Variants in PTPRD observed in about 807,000 individuals in gnomAD.
The protein encoded by PTPRD is protein tyrosine phosphatase receptor type D, also known as receptor-type tyrosine-protein phosphatase delta.
A neutral mutation model predicts 214.5 loss-of-function variants in PTPRD; 34 were observed. The observed-to-expected ratio is 0.16, with a 90% CI of 0.12 to 0.21. The LOEUF is 0.21. Among genes scored for constraint, PTPRD ranks in the 10% least tolerant of loss-of-function variants. PTPRD has a pLI of 1.00. For synonymous variants in PTPRD, 1,128 were observed against 845.7 expected, an observed-to-expected ratio of 1.33 and a Z score of -5.79; for missense variants, 2,545 against 2,398.7, an observed-to-expected ratio of 1.06 and a Z score of -1.27.
intron 3 of PTPRD, among the ~76,000 whole-genome samples, chr9:10,282,815 G>C (rs528384614): frequency 6.6e-6 from 1 of 152,058 alleles, no homozygotes; most frequent in Non-Finnish European, 1.5e-5. Flanking sequence ...GTTAAGATCA[G>C]AAGTAGCAAG....
intron 3 of PTPRD, among the ~76,000 whole-genome samples, chr9:10,305,761 G>T (rs928812337): frequency 1.3e-5 from 2 of 152,104 alleles, no homozygotes; most frequent in African/African-American, 4.8e-5. Flanking sequence ...TAATTAAAAA[G>T]TCAGGAAACA....
intron 3 of PTPRD, among the ~76,000 whole-genome samples, chr9:10,150,948 T>A (rs979174784): frequency 1.3e-5 from 2 of 152,026 alleles, no homozygotes; most frequent in African/African-American, 4.8e-5. Context: ...CTTTAAAAGC[T>A]TAGCCTTGTC....
intron 4 of PTPRD, among the ~76,000 whole-genome samples, chr9:9,959,372 G>A (rs1420262155): frequency 6.6e-6 from 1 of 152,086 alleles, no homozygotes; most frequent in East Asian, 1.9e-4. Context: ...AAAGCACAGA[G>A]GACTTTTAGA....
chr9:8,708,039 C>G (rs577374696), intron 12 of PTPRD, among the ~76,000 whole-genome samples: 1 of 152,272 alleles, frequency 6.6e-6, no homozygotes, highest in African/African-American at 2.4e-5. Context: ...CTGCACCATG[C>G]AAGAAAACTG....
At chr9:10,438,070 G>A (rs1031857849) in intron 2 of PTPRD, among the ~76,000 whole-genome samples, 3 of 144,340 alleles carry the variant, frequency 2.1e-5, no homozygotes, top group East Asian at 4.1e-4. Context: ...ACAAACTCAT[G>A]GTTCAGAAAA....
chr9:10,101,513 G>A (rs976930219), intron 3 of PTPRD, among the ~76,000 whole-genome samples: 3 of 151,582 alleles, frequency 2.0e-5, no homozygotes, highest in Non-Finnish European at 3.0e-5. Context: ...CACTGGACAT[G>A]AGGAGCCAAC....
intron 7 of PTPRD, among the ~76,000 whole-genome samples, chr9:9,606,046 GTTTCT>G (rs1348130802): frequency 1.3e-5 from 2 of 151,984 alleles, no homozygotes; most frequent in African/African-American, 4.8e-5. Context: ...CTGTTCCACA[GTTTCT>G]TTTAAGAGTG....
intron 7 of PTPRD, among the ~76,000 whole-genome samples, chr9:9,678,497 GA>G (rs1042398498): frequency 6.6e-6 from 1 of 151,872 alleles, no homozygotes; most frequent in African/African-American, 2.4e-5. Flanking sequence ...TAATTTTTAA[GA>G]GCTCCTAGAA....
chr9:9,536,256 G>A (rs1411485343), intron 8 of PTPRD, among the ~76,000 whole-genome samples: 2 of 151,686 alleles, frequency 1.3e-5, no homozygotes, highest in South Asian at 2.1e-4. Context: ...TTCCATTCCC[G>A]GCCCGTACCT....
In PTPRD at chr9:8,492,863, T is replaced by C. The variant is rs2136300030; in HGVS notation, c.2466A>G (p.Ala822=). ...SKPKLVSTTG[A]VPGKPRLVIN... ...ACATACATGCACAGACATGATTACC[T>C]GCCCCAGTGGTGGACACCAGTTTGG... Residue 822 remains alanine, a splice_region_variant and synonymous_variant, in exon 27 of 46, where the codon GCA becomes GCG. Coordinates refer to ENST00000381196, the MANE Select transcript of PTPRD (RefSeq NM_002839.4). The C allele has an allele frequency of 6.2e-7, 1 of 1,611,166 alleles. No individual in the cohort carries two copies. The highest frequency in any genetic ancestry group is 8.5e-7 in the Non-Finnish European group (1 of 1,177,456).
intron 11 of PTPRD, among the ~76,000 whole-genome samples, chr9:8,830,750 C>A (rs1023185523): frequency 1.3e-5 from 2 of 151,994 alleles, no homozygotes; most frequent in African/African-American, 4.8e-5. Context: ...GTCATTCGCA[C>A]GCAAGGATAT....
At chr9:9,208,108 G>A (rs973624518) in intron 9 of PTPRD, among the ~76,000 whole-genome samples, 7 of 140,630 alleles carry the variant, frequency 5.0e-5, no homozygotes, top group South Asian at 2.3e-4. Context: ...TCCGCCTCCC[G>A]TGTTCATGCC....
intron 10 of PTPRD, among the ~76,000 whole-genome samples, chr9:9,049,969 C>G (rs998875166): frequency 2.6e-5 from 4 of 152,178 alleles, no homozygotes; most frequent in African/African-American, 9.6e-5. Context: ...TATGAGGTAG[C>G]AAGGTGTGGT....
chr9:8,460,749 T>C (rs2134175866), intron 32 of PTPRD, among the ~76,000 whole-genome samples, 178 bp from the exon 33 acceptor site: 1 of 152,128 alleles, frequency 6.6e-6, no homozygotes, highest in South Asian at 2.1e-4. Context: ...GGATGGAAGA[T>C]GTTTTGTAAT....
At chr9:9,984,650 T>C (rs556864783) in intron 4 of PTPRD, among the ~76,000 whole-genome samples, 1 of 152,242 alleles carries the variant, frequency 6.6e-6, no homozygotes, top group South Asian at 2.1e-4. Flanking sequence ...GCATTTACAC[T>C]TAATGGGAGT....
intron 10 of PTPRD, among the ~76,000 whole-genome samples, chr9:9,110,137 C>A (rs1200856112): frequency 1.3e-5 from 2 of 152,048 alleles, no homozygotes; most frequent in Non-Finnish European, 2.9e-5. Flanking sequence ...CAAAGGACTT[C>A]ATTATTTGTT....
intron 14 of PTPRD, among the ~76,000 whole-genome samples, chr9:8,586,673 C>T (rs2093681409): frequency 6.6e-6 from 1 of 152,194 alleles, no homozygotes; most frequent in Non-Finnish European, 1.5e-5. Context: ...AGCTGCCTAC[C>T]CTCCTACCCC....
chr9:10,143,579 A>T (rs2099002271), intron 3 of PTPRD, among the ~76,000 whole-genome samples: 9 of 151,758 alleles, frequency 5.9e-5, no homozygotes, highest in Admixed American at 5.9e-4. Flanking sequence ...AAAGAAAAAA[A>T]ATTGTATCAA....
intron 37 of PTPRD, among the ~76,000 whole-genome samples, chr9:8,379,037 TG>T (rs924514221): frequency 6.6e-6 from 1 of 152,146 alleles, no homozygotes; most frequent in Non-Finnish European, 1.5e-5. Flanking sequence ...GTAAACGCTG[TG>T]AAAATTTCTA....
Sources: allele counts gnomAD v4.1 joint callset (sites outside exome capture counted in the v4.1 genomes callset), GRCh38; gene constraint gnomAD v4.1.1; transcripts MANE v1.5; gene names NCBI Gene and HGNC (gene_info 2026-07-23, HGNC 2026-07-21).